Variants in ARHGAP22 observed in about 807,000 individuals in gnomAD.
The protein encoded by ARHGAP22 is rho GTPase-activating protein 22.
A neutral mutation model predicts 59.1 loss-of-function variants in ARHGAP22; 48 were observed. The ratio of observed to expected loss-of-function variants is 0.81; its 90% CI spans 0.64 to 1.03. The LOEUF (loss-of-function observed/expected upper bound fraction) is 1.03, where lower values mean the gene tolerates loss of function less well. Among genes scored for constraint, ARHGAP22 ranks in the 50% least tolerant of loss-of-function variants. The probability of loss-of-function intolerance (pLI) is 0.00; values close to 1 mark genes in which losing one functional copy is unlikely to be tolerated. For missense variants in ARHGAP22, 1,015 were observed against 958.7 expected (o/e 1.06, Z -0.78); for synonymous variants, 445 against 416.4 (o/e 1.07, Z -0.84).
intron 3 of ARHGAP22, among the ~76,000 whole-genome samples, chr10:48,543,958 C>T (rs1430743398): frequency 6.6e-6 from 1 of 152,108 alleles, no homozygotes; most frequent in Admixed American, 6.6e-5. Context: ...CCCGTCTCTA[C>T]TAAAAATACA....
chr10:48,584,861 G>A (rs918169073), intron 1 of ARHGAP22, among the ~76,000 whole-genome samples: 2 of 152,162 alleles, frequency 1.3e-5, no homozygotes, highest in Non-Finnish European at 2.9e-5. Context: ...GGGCATGGTT[G>A]CAGGAGCCTG....
intron 3 of ARHGAP22, among the ~76,000 whole-genome samples, chr10:48,549,256 G>A (rs1373529372): frequency 6.6e-6 from 1 of 152,188 alleles, no homozygotes; most frequent in East Asian, 1.9e-4. Context: ...TGAGATGGAG[G>A]GAAGGGGTCC....
At chr10:48,625,397 G>A (rs957635490) in intron 1 of ARHGAP22, among the ~76,000 whole-genome samples, 1 of 152,134 alleles carries the variant, frequency 6.6e-6, no homozygotes, top group Non-Finnish European at 1.5e-5. Flanking sequence ...CCCACAGAGA[G>A]TTTGGGAGGG....
At chr10:48,438,106 T>G in the ARHGAP22 span, 1 of 152,258 alleles carries the variant, frequency 6.6e-6, no homozygotes, top group African/African-American at 2.4e-5. Context: ...TAGAATATTT[T>G]CAGAAATACT....
Position 48,450,579 on chromosome 10 carries a change from G to C in ARHGAP22, c.1550C>G (p.Ser517Cys), listed in dbSNP as rs1294903012. 14 of 1,539,074 alleles carry C rather than the reference G, an allele frequency of 9.1e-6. No individual in the cohort carries two copies. The highest frequency in any genetic ancestry group is 1.2e-5 in the Non-Finnish European group (14 of 1,143,740). The change falls in exon 9 of 10, where the codon TCC becomes TGC. Residue 517 changes from serine (S) to cysteine (C), a missense_variant. Ser to Cys is a moderately radical substitution (Grantham distance 112, BLOSUM62 -1). Coordinates refer to ENST00000249601, the MANE Select transcript of ARHGAP22 (RefSeq NM_021226.4). ...VASMAWSGAS[S>C]SESSVGGSLS... ...TGAGCCCCCCACCGACGACTCGCTG[G>C]ACGAGGCCCCGGACCACGCCATACT...
chr10:48,534,279 G>A (rs1391524020), intron 3 of ARHGAP22, among the ~76,000 whole-genome samples: 1 of 152,214 alleles, frequency 6.6e-6, no homozygotes, highest in Non-Finnish European at 1.5e-5. Context: ...GTGGCCTGAA[G>A]CCATTGAACT....
chr10:48,441,832 AG>A (rs1486370641), downstream of ARHGAP22, among the ~76,000 whole-genome samples: 3 of 152,164 alleles, frequency 2.0e-5, no homozygotes, highest in Non-Finnish European at 2.9e-5. Context: ...AGTTTTGTCA[AG>A]ATGGAGAATT....
At position 48,596,749 on chromosome 10, in the gene ARHGAP22, C is replaced by T. The variant is rs1332539225; in HGVS notation, c.34+8014G>A. ...CTTCAACCCATTCTGGTGTCTCTCT[C>T]GTGGCTCCTTGGAAGAGACCGTGCC... On this transcript the variant is annotated intron_variant, in intron 1 of 9. Transcript: ENST00000249601. Among the ~76,000 whole-genome samples the T allele has an allele frequency of 3.9e-5, 6 of 152,330 alleles. No homozygotes were observed. The East Asian group carries it at 5.8e-4, about 15-fold the overall frequency.
upstream of ARHGAP22, among the ~76,000 whole-genome samples, chr10:48,655,256 TGGGG>T (rs1230624457): frequency 1.0e-4 from 1 of 9,890 alleles, no homozygotes; most frequent in African/African-American, 3.1e-4. Context: ...TGTGTGTGTG[TGGGG>T]GGGGGGGGGG....
intron 1 of ARHGAP22, among the ~76,000 whole-genome samples, chr10:48,621,665 G>A (rs1179510433): frequency 6.6e-6 from 1 of 152,146 alleles, no homozygotes; most frequent in Non-Finnish European, 1.5e-5. Flanking sequence ...TAGAAAAAAG[G>A]TTTAGTTGAT....
At chr10:48,491,132 C>T (rs368621437) in intron 3 of ARHGAP22, among the ~76,000 whole-genome samples, 1 of 152,164 alleles carries the variant, frequency 6.6e-6, no homozygotes, top group African/African-American at 2.4e-5. Context: ...CCAACCCCTG[C>T]TCAACATCCC....
intron 3 of ARHGAP22, 59 bp from the exon 4 acceptor site, chr10:48,479,823 C>G: frequency 6.8e-7 from 1 of 1,462,090 alleles, no homozygotes; most frequent in Non-Finnish European, 9.1e-7. Flanking sequence ...CACTCTCCAC[C>G]GCCGGCACTA....
chr10:48,609,119 T>C (rs998448921), upstream of ARHGAP22, among the ~76,000 whole-genome samples: 1 of 152,184 alleles, frequency 6.6e-6, no homozygotes, highest in Non-Finnish European at 1.5e-5. Context: ...TTGTTTTTCT[T>C]CTACAGAGCT....
chr10:48,568,482 C>T (rs2058189823), intron 2 of ARHGAP22, among the ~76,000 whole-genome samples: 1 of 152,242 alleles, frequency 6.6e-6, no homozygotes. Context: ...ATCCCTCTGG[C>T]TGCCCACGGC....
intron 1 of ARHGAP22, among the ~76,000 whole-genome samples, chr10:48,618,132 A>G (rs1450530365): frequency 6.6e-6 from 1 of 152,044 alleles, no homozygotes. Context: ...GACATATACA[A>G]CCTACCAAGA....
chr10:48,548,608 C>T (rs1037601067), intron 3 of ARHGAP22, among the ~76,000 whole-genome samples: 4 of 152,170 alleles, frequency 2.6e-5, no homozygotes, highest in Admixed American at 1.3e-4. Flanking sequence ...AGTGCCAAAG[C>T]AGGCCTCTCC....
intron 1 of ARHGAP22, among the ~76,000 whole-genome samples, chr10:48,596,214 G>C (rs1371891980): frequency 6.6e-6 from 1 of 152,246 alleles, no homozygotes; most frequent in African/African-American, 2.4e-5. Context: ...GCAGGATGCA[G>C]CCCTAGATTC....
chr10:48,446,016 A>G (rs1397924421), downstream of ARHGAP22: 7 of 282,282 alleles, frequency 2.5e-5, no homozygotes, highest in South Asian at 5.5e-5. Flanking sequence ...ATGAAAAATG[A>G]GCCAGGTAAC....
At chr10:48,509,971 G>A (rs924494148) in intron 3 of ARHGAP22, among the ~76,000 whole-genome samples, 3 of 152,224 alleles carry the variant, frequency 2.0e-5, no homozygotes, top group Non-Finnish European at 4.4e-5. Context: ...GAAGACAGCC[G>A]AGAGAAGAGA....
Sources: gnomAD v4.1 joint callset for allele counts (sites outside exome capture counted in the v4.1 genomes callset) on GRCh38, gnomAD v4.1.1 for gene constraint, MANE v1.5 for transcripts, NCBI Gene and HGNC (gene_info 2026-07-23, HGNC 2026-07-21) for gene names.